Variants in CDK11B observed in about 807,000 individuals in gnomAD.
CDK11B encodes the protein cyclin dependent kinase 11B.
Under a neutral mutation model 84.0 loss-of-function variants are expected in CDK11B, and 37 were observed. The observed-to-expected ratio is 0.44, with a 90% CI of 0.34 to 0.58. The LOEUF (loss-of-function observed/expected upper bound fraction) is 0.58, where lower values mean the gene tolerates loss of function less well. Ranked by LOEUF, CDK11B falls within the 20% of genes least tolerant of loss-of-function variation. The pLI is 0.02. For synonymous variants in CDK11B, 269 were observed against 309.8 expected (o/e 0.87, Z 1.38); for missense variants, 427 against 834.0 (o/e 0.51, Z 6.01).
chr1:1,635,691 C>T lies in CDK11B; in HGVS notation c.*73G>A. The T allele has an allele frequency of 5.3e-6, 1 of 187,344 alleles. No individual in the cohort carries two copies. The highest frequency in any genetic ancestry group is 9.2e-5 in the Admixed American group (1 of 10,882). 11.6% of individuals were successfully genotyped at this position (187,344 alleles called of 1,614,324 possible). A position where few individuals can be genotyped will look rare whatever the true frequency, so the allele number is the denominator to read the frequency against. Reference sequence around the variant, plus strand: ...TAAGACGAGGAGTTCCGAGTCTCATCGCAGCTCCAGCCGCAGTAGCCACGC... The same window carrying T: ...TAAGACGAGGAGTTCCGAGTCTCATTGCAGCTCCAGCCGCAGTAGCCACGC... On this transcript the variant is annotated 3_prime_UTR_variant, in exon 20 of 20. Coordinates refer to ENST00000341832, the MANE Select transcript of CDK11B (RefSeq NM_033486.3).
intron 2 of CDK11B, chr1:1,657,159 T>C: frequency 1.3e-6 from 2 of 1,572,282 alleles, no homozygotes; most frequent in Non-Finnish European, 1.7e-6. Context: ...CCATGTATGC[T>C]CAATCTAGAC....
At chr1:1,658,581 C>T (rs1309923044) in intron 1 of CDK11B, among the ~76,000 whole-genome samples, 1 of 145,050 alleles carries the variant, frequency 6.9e-6, no homozygotes, top group Non-Finnish European at 1.5e-5. Context: ...TACGTGAAGC[C>T]ACTAGCACAC....
chr1:1,636,449 G>A lies in CDK11B; in HGVS notation c.1950C>T (p.Pro650=), dbSNP rs747913766. Residue 650 remains proline, a synonymous_variant, in exon 18 of 20, where the codon CCC becomes CCT. Coordinates refer to ENST00000341832, the MANE Select transcript of CDK11B (RefSeq NM_033486.3). Reference sequence around the variant, plus strand: ...TGACTGCTGGGAGCTCGCTGTAGCCGGGCCAGATTTTCTCACTAGGGGTCC... The same window carrying A: ...TGACTGCTGGGAGCTCGCTGTAGCCAGGCCAGATTTTCTCACTAGGGGTCC... ...DLGTPSEKIW[P]GYSELPAVKK... 260 of 1,612,940 alleles carry A rather than the reference G, an allele frequency of 1.6e-4. 1 individual carries two copies. In the Middle Eastern group the frequency reaches 2.6e-3, roughly 16 times the overall value.
At chr1:1,646,400 A>G in intron 5 of CDK11B, 1 of 516,964 alleles carries the variant, frequency 1.9e-6, no homozygotes, top group Non-Finnish European at 3.9e-6. Context: ...GGATCACCGT[A>G]TGCCTCATGA....
At chr1:1,651,644 C>G (rs1262915871) in intron 4 of CDK11B, among the ~76,000 whole-genome samples, 1 of 138,936 alleles carries the variant, frequency 7.2e-6, no homozygotes, top group African/African-American at 2.8e-5. Context: ...TCTGTATAGC[C>G]CTTCTGAACG....
At position 1,636,811 on chromosome 1, in the gene CDK11B, G is replaced by A. The variant is rs750181715; in HGVS notation, c.1801-13C>T. On this transcript the variant is annotated splice_polypyrimidine_tract_variant and intron_variant, in intron 16 of 19. Transcript: ENST00000341832. ...CCGTGGAGTATTCCTAAGAGGTCAG[G>A]AGAGGTGTTCAGGAGGGCCAGTGCC... 13 of 1,613,738 alleles carry A rather than the reference G, an allele frequency of 8.1e-6. No individual in the cohort carries two copies. In the African/African-American group the frequency reaches 9.3e-5, roughly 12 times the overall value.
In CDK11B at chr1:1,636,934, A is replaced by T. The variant is rs200190129; in HGVS notation, c.1763T>A (p.Leu588Gln). 584 of 1,606,750 alleles carry T rather than the reference A, an allele frequency of 3.6e-4. 2 individuals are homozygous for T. Among genetic ancestry groups the T allele is most frequent in the Admixed American group, 7.0e-4 (42 of 59,744 alleles). The change falls in exon 16 of 20, where the codon CTG (leucine) becomes CAG (glutamine). Residue 588 changes from leucine to glutamine, a missense_variant. Transcript: ENST00000341832. ...CAGCAGCTCTGGGGCGCGGTACCAC[A>T]GGGTCACCACGACCGGGGTGTAGGC... is the stretch of plus-strand genomic sequence containing the variant. The part of the protein sequence containing the change: ...LKAYTPVVVT[L>Q]WYRAPELLLG...
At chr1:1,653,221 C>T (rs1309407048) in intron 3 of CDK11B, among the ~76,000 whole-genome samples, 1 of 151,040 alleles carries the variant, frequency 6.6e-6, no homozygotes, top group African/African-American at 2.4e-5. Context: ...GACGGGGTTT[C>T]ACCATATTGG....
chr1:1,651,115 T>C (rs1641949419), intron 4 of CDK11B, among the ~76,000 whole-genome samples: 1 of 152,204 alleles, frequency 6.6e-6, no homozygotes, highest in Non-Finnish European at 1.5e-5. Flanking sequence ...GGTCCAATTT[T>C]CCTAACACCC....
At chr1:1,636,278 G>A in intron 18 of CDK11B, 55 bp downstream of exon 18, 1 of 1,457,784 alleles carries the variant, frequency 6.9e-7, no homozygotes, top group Non-Finnish European at 9.3e-7. Flanking sequence ...GCCTGGGACT[G>A]GGAAGTCACC....
At position 1,650,268 on chromosome 1, in the gene CDK11B, C is replaced by CAAAAAAAAAAAAAAAA. The variant is rs1212256890; in HGVS notation, c.356-647_356-632dup. Among the ~76,000 whole-genome samples, 80 of 45,728 alleles carry CAAAAAAAAAAAAAAAA rather than the reference C, an allele frequency of 1.7e-3. 1 individual carries two copies. The highest frequency in any genetic ancestry group is 6.1e-3 in the African/African-American group (68 of 11,196). The allele number at this position is 45,728 out of a possible 152,430, so 30.0% of individuals were successfully genotyped here. On this transcript the variant is annotated intron_variant, in intron 4 of 19. Coordinates refer to ENST00000341832, the MANE Select transcript of CDK11B (RefSeq NM_033486.3). The stretch of plus-strand genomic sequence containing the variant: ...CTGGGTGACAAGCAAGACTCCGTCC[C>CAAAAAAAAAAAAAAAA]AAAAAAAAAAAAAAAAGAAATTAAA...
intron 14 of CDK11B, 40 bp downstream of exon 14, chr1:1,637,368 C>G (rs369961186): frequency 6.2e-7 from 1 of 1,601,730 alleles, no homozygotes; most frequent in Non-Finnish European, 8.5e-7. Flanking sequence ...GGACCCTGCC[C>G]CCACTTGTAC....
chr1:1,647,386 C>T (rs540938846), intron 5 of CDK11B, among the ~76,000 whole-genome samples: 6 of 152,394 alleles, frequency 3.9e-5, no homozygotes, highest in East Asian at 1.9e-4. Flanking sequence ...TCTGGTTGTC[C>T]GTGAAATCCA....
At chr1:1,650,192 C>G (rs1557707084) in intron 4 of CDK11B, among the ~76,000 whole-genome samples, 1 of 140,432 alleles carries the variant, frequency 7.1e-6, no homozygotes, top group Non-Finnish European at 1.5e-5. Context: ...ATAGCGTGAA[C>G]CCAGGAGATG....
intron 2 of CDK11B, among the ~76,000 whole-genome samples, chr1:1,656,265 T>TTGG (rs1487991357): frequency 6.6e-6 from 1 of 151,992 alleles, no homozygotes; most frequent in African/African-American, 2.4e-5. Context: ...GTGAGGCAGG[T>TTGG]GAATCACCTG....
chr1:1,649,970 A>C (rs1206642476), intron 4 of CDK11B, among the ~76,000 whole-genome samples: 4 of 144,064 alleles, frequency 2.8e-5, no homozygotes, highest in Admixed American at 2.1e-4. Context: ...AAAAAAAAAA[A>C]CCCACGTGAA....
In CDK11B at chr1:1,637,858, C is replaced by T. The variant is rs1380702895; in HGVS notation, c.1368G>A (p.Leu456=). The change falls in exon 13 of 20, where the codon CTG becomes CTA. Residue 456 remains leucine (L), a synonymous_variant. Coordinates refer to ENST00000341832, the MANE Select transcript of CDK11B (RefSeq NM_033486.3). ...AGCCCTCCTTCTCCTTCTCCATCTT[C>T]AGCCGCTTTAGAGCCACAATTTCAT... ...KTDEIVALKR[L]KMEKEKEGFP... is the part of the protein sequence containing the mutation. 1 of 1,613,694 alleles carries T rather than the reference C, an allele frequency of 6.2e-7. No individual in the cohort carries two copies. The highest frequency in any genetic ancestry group is 8.5e-7 in the Non-Finnish European group (1 of 1,179,660).
At chr1:1,641,359 A>T (rs1393637216) in intron 9 of CDK11B, among the ~76,000 whole-genome samples, 1 of 148,022 alleles carries the variant, frequency 6.8e-6, no homozygotes, top group Non-Finnish European at 1.5e-5. Context: ...AAATAAAAAA[A>T]TTATCCGGGC....
intron 5 of CDK11B, among the ~76,000 whole-genome samples, 156 bp downstream of exon 5, chr1:1,649,343 C>A (rs1333379579): frequency 1.3e-5 from 2 of 152,028 alleles, no homozygotes; most frequent in Non-Finnish European, 2.9e-5. Context: ...CCTCATGATC[C>A]GCCCACCTCG....
Sources: allele counts gnomAD v4.1 joint callset (sites outside exome capture counted in the v4.1 genomes callset), GRCh38; gene constraint gnomAD v4.1.1; transcripts MANE v1.5; gene names NCBI Gene and HGNC (gene_info 2026-07-23, HGNC 2026-07-21).